Variants in RTTN observed in about 807,000 individuals in gnomAD.
RTTN encodes the protein rotatin.
Under a neutral mutation model 269.2 loss-of-function variants are expected in RTTN, and 182 were observed. The ratio of observed to expected loss-of-function variants is 0.68; its 90% CI spans 0.60 to 0.76. The LOEUF is 0.76. RTTN is among the 30% of genes least tolerant of loss of function. The pLI, the probability that RTTN is intolerant of heterozygous loss-of-function variation, is 0.00. For synonymous variants in RTTN, 1,006 were observed against 963.5 expected (o/e 1.04, Z -0.82); for missense variants, 2,545 against 2,608.6 (o/e 0.98, Z 0.53).
chr18:70,103,218 G>C (rs545471112), intron 28 of RTTN, among the ~76,000 whole-genome samples: 12 of 152,314 alleles, frequency 7.9e-5, no homozygotes, highest in African/African-American at 2.9e-4. Context: ...TTCCAAGCAT[G>C]AAGTGACAGC....
At chr18:70,048,988 T>C (rs2057575926) in intron 39 of RTTN, among the ~76,000 whole-genome samples, 1 of 152,216 alleles carries the variant, frequency 6.6e-6, no homozygotes, top group African/African-American at 2.4e-5. Context: ...GTACTATTAT[T>C]ACATAAAACT....
chr18:70,199,826 C>T (rs1221642387), intron 4 of RTTN, among the ~76,000 whole-genome samples: 1 of 152,192 alleles, frequency 6.6e-6, no homozygotes, highest in African/African-American at 2.4e-5. Context: ...ACCAGAACAT[C>T]AAACTTAAAT....
At chr18:70,031,857 C>T (rs892767) in intron 40 of RTTN, among the ~76,000 whole-genome samples, 118,326 of 151,666 alleles carry the variant, frequency 0.78, 52,200 homozygotes, top group East Asian at 1. Flanking sequence ...GCTGGGGACC[C>T]TGCTCGGGGC....
At chr18:70,172,647 T>C (rs955225607) in intron 11 of RTTN, among the ~76,000 whole-genome samples, 3 of 152,064 alleles carry the variant, frequency 2.0e-5, no homozygotes, top group African/African-American at 7.2e-5. Context: ...AATTAGATAA[T>C]TGATTTGTTT....
intron 40 of RTTN, chr18:70,031,283 T>G (rs1415008251): frequency 8.5e-6 from 4 of 471,866 alleles, no homozygotes; most frequent in Non-Finnish European, 1.1e-5. Flanking sequence ...CAGCGCATAT[T>G]GTATATATAT....
At chr18:70,096,767 C>A (rs531133825) in intron 28 of RTTN, among the ~76,000 whole-genome samples, 17 of 152,254 alleles carry the variant, frequency 1.1e-4, no homozygotes, top group Middle Eastern at 3.4e-3. Context: ...TCAGGAGGCA[C>A]GGGGTTCAGG....
chr18:70,030,811 G>C, intron 41 of RTTN, 65 bp downstream of exon 41: 2 of 1,207,040 alleles, frequency 1.7e-6, no homozygotes, highest in South Asian at 2.9e-5. Flanking sequence ...AAATTAACTT[G>C]AACAAGCAAC....
chr18:70,137,259 T>C lies in RTTN; in HGVS notation c.2789-1979A>G, dbSNP rs114992602. 2.9e-3 allele frequency among the ~76,000 whole-genome samples: 439 copies of C among 152,296 alleles called. 1 individual carries two copies. Among genetic ancestry groups the C allele is most frequent in the African/African-American group, 9.8e-3 (407 of 41,564 alleles). ...AGCAAAGTAAATAACCCAATAACCA[T>C]TTTTTGGTTATAGCCTTGGCCAAGT... On this transcript the variant is annotated intron_variant, in intron 21 of 48. Coordinates refer to ENST00000640769, the MANE Select transcript of RTTN (RefSeq NM_173630.4).
intron 14 of RTTN, among the ~76,000 whole-genome samples, chr18:70,151,466 C>T (rs2060536336): frequency 6.6e-6 from 1 of 151,816 alleles, no homozygotes; most frequent in African/African-American, 2.4e-5. Flanking sequence ...GGTAAAAATA[C>T]AATAAATAAT....
intron 32 of RTTN, among the ~76,000 whole-genome samples, chr18:70,078,610 T>C (rs779333528): frequency 6.6e-6 from 1 of 151,972 alleles, no homozygotes; most frequent in Non-Finnish European, 1.5e-5. Context: ...TATACATACA[T>C]ACAAATACCA....
chr18:70,131,176 TG>T (rs2059989337), intron 23 of RTTN: 1 of 147,276 alleles, frequency 6.8e-6, no homozygotes, highest in Admixed American at 6.7e-5. Flanking sequence ...CAGAAATCAT[TG>T]CTAATATAAG....
intron 14 of RTTN, among the ~76,000 whole-genome samples, chr18:70,163,104 C>T (rs2060890629): frequency 1.0e-5 from 1 of 97,824 alleles, no homozygotes; most frequent in Non-Finnish European, 2.1e-5. Context: ...AAAAACAAGG[C>T]CAGACACGGT....
chr18:70,103,418 A>T (rs911150545), intron 28 of RTTN, among the ~76,000 whole-genome samples: 18 of 152,218 alleles, frequency 1.2e-4, no homozygotes, highest in African/African-American at 4.3e-4. Context: ...ACTAAGAAAA[A>T]TTTTTCTGCC....
intron 46 of RTTN, 78 bp from the exon 47 acceptor site, chr18:70,006,562 C>T (rs1441689721): frequency 2.8e-6 from 3 of 1,080,086 alleles, no homozygotes; most frequent in Non-Finnish European, 4.2e-6. Flanking sequence ...AGTCAGACAC[C>T]CCCCTCTTTT....
chr18:70,075,382 C>T lies in RTTN; in HGVS notation c.4534G>A (p.Asp1512Asn), dbSNP rs1308442939. Residue 1512 changes from aspartate (D) to asparagine (N), a missense_variant, in exon 33 of 49, where the codon GAT becomes AAT. Physicochemically the swap from Asp to Asn is conservative, Grantham distance 23. Transcript: ENST00000640769. ...CMFDLNFSAF[D>N]RNSESNDLNG... ...AAATCATTGCTTTCTGAATTTCTAT[C>T]AAAAGCAGAAAAATTCAAATCAAAC... is the stretch of plus-strand genomic sequence containing the variant. 1.3e-6 allele frequency: 2 copies of T among 1,588,600 alleles called. No homozygotes were observed. The highest frequency in any genetic ancestry group is 1.8e-5 in the Admixed American group (1 of 54,802).
intron 28 of RTTN, among the ~76,000 whole-genome samples, chr18:70,099,071 T>C (rs551558691): frequency 6.6e-6 from 1 of 152,202 alleles, no homozygotes; most frequent in East Asian, 1.9e-4. Context: ...GTTCCATGAA[T>C]ATAGCAGCAT....
At chr18:70,083,370 G>T (rs931834746) in intron 32 of RTTN, among the ~76,000 whole-genome samples, 1 of 152,144 alleles carries the variant, frequency 6.6e-6, no homozygotes, top group Non-Finnish European at 1.5e-5. Flanking sequence ...ACATTTTAAT[G>T]AATCAGTCAA....
intron 46 of RTTN, among the ~76,000 whole-genome samples, chr18:70,011,437 A>G (rs1181307253): frequency 6.6e-6 from 1 of 152,194 alleles, no homozygotes; most frequent in Non-Finnish European, 1.5e-5. Context: ...GGTTCAACAT[A>G]CACAAATCAA....
At chr18:70,159,376 A>T (rs2060767578) in intron 14 of RTTN, among the ~76,000 whole-genome samples, 1 of 152,192 alleles carries the variant, frequency 6.6e-6, no homozygotes, top group South Asian at 2.1e-4. Flanking sequence ...AAATCATAAA[A>T]TTCTTTGAAA....
Sources: allele counts gnomAD v4.1 joint callset (sites outside exome capture counted in the v4.1 genomes callset), GRCh38; gene constraint gnomAD v4.1.1; transcripts MANE v1.5; gene names NCBI Gene and HGNC (gene_info 2026-07-23, HGNC 2026-07-21).